XIRP2: variants seen among roughly 807,000 people sequenced by gnomAD.
XIRP2 encodes xin actin binding repeat containing 2.
A neutral mutation model predicts 277.0 loss-of-function variants in XIRP2; 236 were observed. The observed-to-expected ratio is 0.85, with a 90% CI of 0.77 to 0.95. XIRP2 has a LOEUF of 0.95. Among genes scored for constraint, XIRP2 ranks in the 40% least tolerant of loss-of-function variants. XIRP2 has a pLI of 0.00. For missense variants in XIRP2, 4,640 were observed against 4,157.5 expected (o/e 1.12, Z -3.19); for synonymous variants, 1,490 against 1,416.5 (o/e 1.05, Z -1.17).
chr2:167,230,627 T>A (rs1694722027), intron 5 of XIRP2, among the ~76,000 whole-genome samples: 1 of 152,112 alleles, frequency 6.6e-6, no homozygotes, highest in Admixed American at 6.6e-5. Context: ...ATGATATATC[T>A]TTGATATTTT....
intron 2 of XIRP2, among the ~76,000 whole-genome samples, chr2:167,069,027 T>A (rs1226093752): frequency 1.3e-5 from 2 of 152,166 alleles, no homozygotes; most frequent in African/African-American, 4.8e-5. Flanking sequence ...TCCCTCAATA[T>A]CCATGGATAC....
intron 2 of XIRP2, among the ~76,000 whole-genome samples, chr2:167,002,156 G>A (rs1438795216): frequency 6.6e-6 from 1 of 151,972 alleles, no homozygotes; most frequent in Non-Finnish European, 1.5e-5. Flanking sequence ...AAATATAATT[G>A]TATAACTATA....
rs187190361 is a variant in XIRP2 at position 167,026,541 on chromosome 2, T to C, written c.409-109368T>C. On this transcript the variant is annotated intron_variant, in intron 2 of 10. Coordinates refer to ENST00000409195, the MANE Select transcript of XIRP2 (RefSeq NM_152381.6). The stretch of plus-strand genomic sequence containing the variant: ...TTGCTCATTAGTTGATGCAGTTTCT[T>C]CCTAGCCTAGATGGTCTTTACATTT... Among the ~76,000 whole-genome samples the C allele has an allele frequency of 2.7e-3, 415 of 152,286 alleles. 3 individuals carry two copies. The highest frequency in any genetic ancestry group is 9.5e-3 in the African/African-American group (393 of 41,562).
intron 3 of XIRP2, among the ~76,000 whole-genome samples, chr2:167,160,356 A>G (rs959746087): frequency 1.3e-5 from 2 of 152,222 alleles, no homozygotes; most frequent in African/African-American, 2.4e-5. Flanking sequence ...ATATAGAAAT[A>G]TACATTGTTG....
chr2:167,193,915 G>A lies in XIRP2; in HGVS notation c.563-16820G>A, dbSNP rs1028542339. ...AAAAAAAAAAATTCAGTGAGATACT[G>A]ACACAGTATCTTGTAATTATTTGTA... On this transcript the variant is annotated intron_variant, in intron 3 of 10. Coordinates refer to ENST00000409195, the MANE Select transcript of XIRP2 (RefSeq NM_152381.6). Among the ~76,000 whole-genome samples, 63 of 149,698 alleles carry A rather than the reference G, an allele frequency of 4.2e-4. 1 individual carries two copies. The highest frequency in any genetic ancestry group is 5.9e-5 in the Non-Finnish European group (4 of 67,548).
intron 2 of XIRP2, among the ~76,000 whole-genome samples, chr2:166,963,357 G>A (rs116686335): frequency 6.6e-6 from 1 of 151,506 alleles, no homozygotes; most frequent in Non-Finnish European, 1.5e-5. Flanking sequence ...CTAGCTGTTG[G>A]AGATTCAGAG....
chr2:166,900,928 C>T (rs1029107909), intron 1 of XIRP2, among the ~76,000 whole-genome samples: 3 of 152,096 alleles, frequency 2.0e-5, no homozygotes, highest in Non-Finnish European at 2.9e-5. Flanking sequence ...GCCCCGTCAC[C>T]ATCAAGTGGG....
intron 5 of XIRP2, among the ~76,000 whole-genome samples, chr2:167,223,096 ATCT>A (rs1318930001): frequency 6.6e-6 from 1 of 152,100 alleles, no homozygotes; most frequent in African/African-American, 2.4e-5. Context: ...TTTGACTTTC[ATCT>A]TCTTAAGTGA....
intron 2 of XIRP2, among the ~76,000 whole-genome samples, chr2:166,912,885 C>T (rs545628648): frequency 6.6e-6 from 1 of 151,730 alleles, no homozygotes. Context: ...AGACCGTTTC[C>T]CTGGGTATCA....
intron 2 of XIRP2, among the ~76,000 whole-genome samples, chr2:166,975,349 T>G (rs1364057856): frequency 3.3e-5 from 5 of 152,224 alleles, no homozygotes; most frequent in African/African-American, 1.2e-4. Flanking sequence ...AATAATCATT[T>G]TTTCAAGTGC....
chr2:167,116,924 A>G (rs773011627), intron 2 of XIRP2, among the ~76,000 whole-genome samples: 3 of 152,220 alleles, frequency 2.0e-5, no homozygotes, highest in Non-Finnish European at 4.4e-5. Flanking sequence ...TATTAATCTA[A>G]GAAAATGGAT....
chr2:167,204,006 C>G (rs1036463351), intron 3 of XIRP2, among the ~76,000 whole-genome samples: 1 of 151,840 alleles, frequency 6.6e-6, no homozygotes. Flanking sequence ...TTAATGCATC[C>G]AGAATAAAGC....
Position 167,251,700 on chromosome 2 carries a change from C to T in XIRP2, c.10308C>T (p.Thr3436=), listed in dbSNP as rs765273603. The part of the protein sequence containing the change: ...ESQIVESKMK[T]SSSHSSEAGK... ...AAATTGTTGAGTCGAAGATGAAAAC[C>T]TCTTCATCACATAGCTCAGAAGCTG... Residue 3436 remains threonine (T), a synonymous_variant, in exon 9 of 11, where the codon ACC becomes ACT. Transcript: ENST00000409195. The T allele has an allele frequency of 1.9e-6, 3 of 1,613,342 alleles. No individual in the cohort carries two copies. The highest frequency in any genetic ancestry group is 1.3e-5 in the African/African-American group (1 of 74,950).
intron 2 of XIRP2, among the ~76,000 whole-genome samples, chr2:167,135,703 C>T (rs895178704): frequency 1.3e-5 from 2 of 152,082 alleles, no homozygotes; most frequent in African/African-American, 2.4e-5. Flanking sequence ...AGAAGTGGAA[C>T]CAGTGGCAGA....
At chr2:167,156,770 T>A (rs1259538704) in intron 3 of XIRP2, among the ~76,000 whole-genome samples, 2 of 152,214 alleles carry the variant, frequency 1.3e-5, no homozygotes, top group Admixed American at 6.6e-5. Flanking sequence ...AATAATTTTT[T>A]AAAAATGATC....
intron 2 of XIRP2, among the ~76,000 whole-genome samples, chr2:166,961,482 T>C (rs1686295667): frequency 6.6e-6 from 1 of 151,830 alleles, no homozygotes; most frequent in Non-Finnish European, 1.5e-5. Flanking sequence ...GAATTAGCCT[T>C]CAAACAGCTA....
At chr2:167,090,590 G>A (rs1007918706) in intron 2 of XIRP2, among the ~76,000 whole-genome samples, 1 of 152,096 alleles carries the variant, frequency 6.6e-6, no homozygotes, top group Non-Finnish European at 1.5e-5. Flanking sequence ...GGTGATTTAT[G>A]TTTAAAAGAG....
chr2:167,259,403 G>A lies in XIRP2; in HGVS notation c.*1586G>A. On this transcript the variant is annotated 3_prime_UTR_variant, in exon 11 of 11. Coordinates refer to ENST00000409195, the MANE Select transcript of XIRP2 (RefSeq NM_152381.6). ...CTGACAGTCCACACTTAGGCACTGA[G>A]AGATATTGATGTTCTGAAATAAGAT... The A allele has an allele frequency of 6.6e-7, 1 of 1,525,084 alleles. No homozygotes were observed. The allele number at this position is 1,525,084 out of a possible 1,614,324, so 94.5% of individuals were successfully genotyped here. A position where few individuals can be genotyped will look rare whatever the true frequency, so the allele number is the denominator to read the frequency against.
intron 2 of XIRP2, among the ~76,000 whole-genome samples, chr2:167,125,290 A>T (rs1242446407): frequency 6.6e-6 from 1 of 152,208 alleles, no homozygotes; most frequent in Non-Finnish European, 1.5e-5. Flanking sequence ...ATGCTACAAG[A>T]GTTTTAGAGA....
Sources: allele counts gnomAD v4.1 joint callset (sites outside exome capture counted in the v4.1 genomes callset), GRCh38; gene constraint gnomAD v4.1.1; transcripts MANE v1.5; gene names NCBI Gene and HGNC (gene_info 2026-07-23, HGNC 2026-07-21).